The following COMMD1 variants were observed in gnomAD, a reference collection of about 807,000 sequenced individuals.
COMMD1 encodes the protein COMM domain-containing protein 1.
Under a neutral mutation model 17.2 loss-of-function variants are expected in COMMD1, and 10 were observed. The observed-to-expected ratio is 0.58, with a 90% CI of 0.36 to 0.99. COMMD1 has a LOEUF of 0.99. COMMD1 is among the 50% of genes least tolerant of loss of function. The pLI, the probability that COMMD1 is intolerant of heterozygous loss-of-function variation, is 0.01. For synonymous variants in COMMD1, 97 were observed against 91.6 expected, an observed-to-expected ratio of 1.06 and a Z score of -0.34; for missense variants, 270 against 231.8, an observed-to-expected ratio of 1.17 and a Z score of -1.07.
intron 2 of COMMD1, among the ~76,000 whole-genome samples, chr2:62,039,567 C>T (rs1291476609): frequency 2.0e-5 from 3 of 152,188 alleles, no homozygotes; most frequent in Non-Finnish European, 4.4e-5. Context: ...ATCATACCAC[C>T]ATGGTTGGAT....
chr2:61,950,824 G>T (rs1345711861), intron 1 of COMMD1, among the ~76,000 whole-genome samples: 1 of 152,144 alleles, frequency 6.6e-6, no homozygotes, highest in Non-Finnish European at 1.5e-5. Context: ...GAGTGGGAGG[G>T]TGCAAGACTT....
At chr2:62,093,472 G>A (rs1281628333) in intron 2 of COMMD1, among the ~76,000 whole-genome samples, 1 of 152,114 alleles carries the variant, frequency 6.6e-6, no homozygotes, top group African/African-American at 2.4e-5. Flanking sequence ...GGGAACTATG[G>A]GTTTTTTGTT....
intron 1 of COMMD1, among the ~76,000 whole-genome samples, chr2:61,935,384 T>C (rs1670578012): frequency 6.6e-6 from 1 of 152,166 alleles, no homozygotes. Context: ...ATCCCAGCAC[T>C]TTGGGAGGCT....
intron 2 of COMMD1, among the ~76,000 whole-genome samples, chr2:62,015,413 C>T (rs1031222339): frequency 9.2e-5 from 14 of 152,088 alleles, no homozygotes; most frequent in Non-Finnish European, 1.3e-4. Context: ...TTTTGTTTAT[C>T]CATTTATCTG....
intron 2 of COMMD1, among the ~76,000 whole-genome samples, chr2:62,115,049 G>A (rs895934619): frequency 6.6e-6 from 1 of 152,084 alleles, no homozygotes; most frequent in African/African-American, 2.4e-5. Flanking sequence ...AAAAATCAGA[G>A]GTGTAAGACA....
At chr2:62,003,531 A>T (rs1384748292) in intron 2 of COMMD1, among the ~76,000 whole-genome samples, 1 of 147,828 alleles carries the variant, frequency 6.8e-6, no homozygotes, top group African/African-American at 2.5e-5. Context: ...ACAGAGTGAG[A>T]CTCCGTCTCA....
intron 2 of COMMD1, among the ~76,000 whole-genome samples, chr2:62,128,846 G>T (rs1672953407): frequency 6.6e-6 from 1 of 151,978 alleles, no homozygotes; most frequent in African/African-American, 2.4e-5. Context: ...CAGCTACTTG[G>T]GAGGCTGAGG....
intron 2 of COMMD1, among the ~76,000 whole-genome samples, chr2:62,065,553 C>G (rs922643998): frequency 1.3e-5 from 2 of 151,914 alleles, no homozygotes; most frequent in African/African-American, 2.4e-5. Context: ...CTCCTGGGCT[C>G]AAGCCATCCC....
At chr2:61,976,410 T>C (rs960240465) in intron 1 of COMMD1, among the ~76,000 whole-genome samples, 2 of 152,128 alleles carry the variant, frequency 1.3e-5, no homozygotes, top group Non-Finnish European at 2.9e-5. Flanking sequence ...AGAAAAGTTA[T>C]TAGGGATCAA....
At chr2:61,986,497 T>C (rs1417724399) in intron 1 of COMMD1, among the ~76,000 whole-genome samples, 1 of 151,668 alleles carries the variant, frequency 6.6e-6, no homozygotes, top group Non-Finnish European at 1.5e-5. Flanking sequence ...TACCTTATCT[T>C]TAAGGCCAAT....
At chr2:61,972,335 T>C (rs1269886247) in intron 1 of COMMD1, among the ~76,000 whole-genome samples, 1 of 152,168 alleles carries the variant, frequency 6.6e-6, no homozygotes, top group African/African-American at 2.4e-5. Flanking sequence ...AAGACTCAGA[T>C]CACTTTTGCT....
intron 2 of COMMD1, among the ~76,000 whole-genome samples, chr2:62,045,361 T>A (rs963886918): frequency 5.3e-5 from 8 of 152,144 alleles, no homozygotes; most frequent in Non-Finnish European, 1.2e-4. Context: ...AAGTTGTAAA[T>A]CTTGTGACCT....
chr2:61,911,168 A>C (rs1045520551), intron 1 of COMMD1, among the ~76,000 whole-genome samples: 1 of 150,170 alleles, frequency 6.7e-6, no homozygotes, highest in Admixed American at 6.7e-5. Flanking sequence ...ACTCATTTAT[A>C]TCAATCAAAT....
intron 1 of COMMD1, among the ~76,000 whole-genome samples, chr2:61,996,001 TATC>T (rs1472421828): frequency 1.3e-5 from 2 of 152,212 alleles, no homozygotes; most frequent in East Asian, 3.8e-4. Flanking sequence ...TACCATACCA[TATC>T]ATACTACACT....
chr2:62,050,558 C>G (rs923911618), intron 2 of COMMD1, among the ~76,000 whole-genome samples: 3 of 152,162 alleles, frequency 2.0e-5, no homozygotes, highest in Non-Finnish European at 4.4e-5. Context: ...TTCTCTGCTA[C>G]TATGTTTTGT....
chr2:62,082,216 C>T (rs1671543365), intron 2 of COMMD1, among the ~76,000 whole-genome samples: 1 of 152,162 alleles, frequency 6.6e-6, no homozygotes, highest in South Asian at 2.1e-4. Flanking sequence ...CTCTGTGATG[C>T]TGAACAACAG....
intron 1 of COMMD1, among the ~76,000 whole-genome samples, chr2:61,959,445 A>G (rs1671282950): frequency 1.3e-5 from 2 of 152,208 alleles, no homozygotes; most frequent in African/African-American, 4.8e-5. Context: ...CTTAATATTT[A>G]TTGAAACCCT....
chr2:61,937,478 A>G (rs1670634432), intron 1 of COMMD1, among the ~76,000 whole-genome samples: 1 of 152,216 alleles, frequency 6.6e-6, no homozygotes, highest in Non-Finnish European at 1.5e-5. Flanking sequence ...CGTATGGCCA[A>G]GGGACTTAGA....
intron 1 of COMMD1, among the ~76,000 whole-genome samples, chr2:61,890,191 TATG>T (rs1362463584): frequency 6.6e-6 from 1 of 152,124 alleles, no homozygotes; most frequent in African/African-American, 2.4e-5. Context: ...ATCTTGTAAT[TATG>T]AGGTGGTGGT....
Sources: gnomAD v4.1 joint callset for allele counts (sites outside exome capture counted in the v4.1 genomes callset) on GRCh38, gnomAD v4.1.1 for gene constraint, MANE v1.5 for transcripts, NCBI Gene and HGNC (gene_info 2026-07-23, HGNC 2026-07-21) for gene names.